PSMD1: variants seen among roughly 807,000 people sequenced by gnomAD.
PSMD1 encodes the protein 26S proteasome non-ATPase regulatory subunit 1.
PSMD1 carries 18 observed loss-of-function variants against 119.0 expected under a neutral mutation model. The observed-to-expected ratio is 0.15, with a 90% CI of 0.10 to 0.22. PSMD1 has a LOEUF of 0.22. PSMD1 is among the 10% of genes least tolerant of loss of function. The probability of loss-of-function intolerance (pLI) is 1.00; values close to 1 mark genes in which losing one functional copy is unlikely to be tolerated. For synonymous variants in PSMD1, 374 were observed against 396.6 expected (o/e 0.94, Z 0.68); for missense variants, 702 against 1,158.5 (o/e 0.61, Z 5.72).
intron 16 of PSMD1, among the ~76,000 whole-genome samples, chr2:231,137,181 A>G (rs979915899): frequency 6.6e-6 from 1 of 150,820 alleles, no homozygotes; most frequent in African/African-American, 2.4e-5. Flanking sequence ...ACAGTGGTGC[A>G]ATCTTGTCTC....
intron 15 of PSMD1, 28 bp downstream of exon 15, chr2:231,085,142 G>T (rs371664186): frequency 1.3e-6 from 2 of 1,581,888 alleles, no homozygotes; most frequent in African/African-American, 2.7e-5. Flanking sequence ...TCTTGGGAAT[G>T]GGGTGGACGG....
In PSMD1 at chr2:231,170,428, C is replaced by G. The variant is rs878921362; in HGVS notation, c.2716-138C>G. 2.6e-5 allele frequency: 22 copies of G among 859,712 alleles called. No individual in the cohort carries two copies. In the South Asian group the frequency reaches 5.5e-4, roughly 21 times the overall value. The allele number at this position is 859,712 out of a possible 1,614,324, so 53.3% of individuals were successfully genotyped here. A position where few individuals can be genotyped will look rare whatever the true frequency, so the allele number is the denominator to read the frequency against. ...CGTATAGATCACAGTTATCTTTATC[C>G]CAGTAAAGTTCTACTCCAGTTTTTC... On this transcript the variant is annotated intron_variant, in intron 23 of 24. Transcript: ENST00000308696. The surrounding 1 kb of genome is among the most constrained non-coding windows in gnomAD (Gnocchi z 4.1).
chr2:231,067,234 T>C (rs536226764), intron 5 of PSMD1, 123 bp downstream of exon 5: 367 of 696,518 alleles, frequency 5.3e-4, no homozygotes, highest in Non-Finnish European at 7.5e-4. Flanking sequence ...AGGTGATCTT[T>C]TGCCAAATAT....
intron 16 of PSMD1, among the ~76,000 whole-genome samples, chr2:231,107,964 A>G (rs913144509): frequency 2.0e-5 from 3 of 152,198 alleles, no homozygotes; most frequent in African/African-American, 7.2e-5. Flanking sequence ...TATCCTCCCT[A>G]TCCCTTCCAT....
chr2:231,135,334 T>C (rs1277367924), intron 16 of PSMD1, among the ~76,000 whole-genome samples: 2 of 152,184 alleles, frequency 1.3e-5, no homozygotes, highest in African/African-American at 4.8e-5. Context: ...CTATAATAAT[T>C]GGTTCATTTT....
At chr2:231,094,781 A>T (rs576273452) in intron 16 of PSMD1, among the ~76,000 whole-genome samples, 1 of 152,358 alleles carries the variant, frequency 6.6e-6, no homozygotes, top group Non-Finnish European at 1.5e-5. Context: ...GTTTGTCAGC[A>T]GGAAGGGCAT....
Position 231,170,859 on chromosome 2 carries a change from G to C in PSMD1, c.*9+138G>C. ...ACCTAAACAGTATTAAAACTTCCCC[G>C]TTTCAACCTTTTTCTGCATATATAA... On this transcript the variant is annotated intron_variant, in intron 24 of 24. Coordinates refer to ENST00000308696, the MANE Select transcript of PSMD1 (RefSeq NM_002807.4). The surrounding 1 kb of genome is among the most constrained non-coding windows in gnomAD (Gnocchi z 4.1). 2 of 924,418 alleles carry C rather than the reference G, an allele frequency of 2.2e-6. No homozygotes were observed. The highest frequency in any genetic ancestry group is 3.0e-6 in the Non-Finnish European group (2 of 657,540). 57.3% of individuals were successfully genotyped at this position (924,418 alleles called of 1,614,324 possible).
At chr2:231,147,717 C>G (rs971449928) in intron 18 of PSMD1, among the ~76,000 whole-genome samples, 3 of 152,160 alleles carry the variant, frequency 2.0e-5, no homozygotes, top group African/African-American at 7.2e-5. Context: ...ATTCTTAAAG[C>G]TAGGGACTTT....
intron 19 of PSMD1, among the ~76,000 whole-genome samples, chr2:231,158,763 GTCT>G (rs1273657168): frequency 2.0e-5 from 3 of 152,030 alleles, no homozygotes; most frequent in African/African-American, 7.3e-5. Flanking sequence ...CAAATTATCT[GTCT>G]TCTTTGTGAG....
intron 7 of PSMD1, among the ~76,000 whole-genome samples, chr2:231,073,236 T>C (rs1230004147): frequency 1.3e-5 from 2 of 152,220 alleles, no homozygotes; most frequent in Non-Finnish European, 2.9e-5. Context: ...AGATCACTGA[T>C]GACAGATTAC....
intron 16 of PSMD1, among the ~76,000 whole-genome samples, chr2:231,091,231 T>C (rs1694581931): frequency 6.6e-6 from 1 of 152,224 alleles, no homozygotes; most frequent in Non-Finnish European, 1.5e-5. Flanking sequence ...TAGAGAGCAG[T>C]CCTGCACACG....
chr2:231,105,208 AT>A (rs1200727627), intron 16 of PSMD1, among the ~76,000 whole-genome samples: 1 of 152,168 alleles, frequency 6.6e-6, no homozygotes, highest in African/African-American at 2.4e-5. Context: ...ATGCTTGTAA[AT>A]AAAAGTAAAA....
chr2:231,156,999 G>A (rs932931755), intron 19 of PSMD1, among the ~76,000 whole-genome samples: 4 of 152,078 alleles, frequency 2.6e-5, no homozygotes, highest in Non-Finnish European at 5.9e-5. Flanking sequence ...AATACATTAT[G>A]TAGCCTTTTC....
At chr2:231,109,431 T>C in intron 16 of PSMD1, 1 of 1,605,330 alleles carries the variant, frequency 6.2e-7, no homozygotes. Context: ...GAAAACAAGA[T>C]AAATTGAGTC....
chr2:231,123,823 A>C, intron 16 of PSMD1: 1 of 1,274,296 alleles, frequency 7.8e-7, no homozygotes, highest in Non-Finnish European at 1.1e-6. Flanking sequence ...GTTAGTAGCT[A>C]AGCTGCTCAT....
At chr2:231,171,100 G>A (rs1477144024) in intron 24 of PSMD1, among the ~76,000 whole-genome samples, 1 of 152,202 alleles carries the variant, frequency 6.6e-6, no homozygotes, top group East Asian at 1.9e-4. Flanking sequence ...TCTGATGTAA[G>A]CTTCTTGTTG....
chr2:231,070,022 C>A lies in PSMD1; in HGVS notation c.511-3C>A. On this transcript the variant is annotated splice_region_variant and splice_polypyrimidine_tract_variant and intron_variant, in intron 5 of 24. Transcript: ENST00000308696. ...CGTTATATCTTTAAACTATCTCTTTCAGAATGATGTCCCAGGAATGTTAGC... is the reference window on the plus strand; with the variant it reads ...CGTTATATCTTTAAACTATCTCTTTAAGAATGATGTCCCAGGAATGTTAGC... 7.0e-7 allele frequency: 1 copy of A among 1,434,676 alleles called. No homozygotes were observed. The highest frequency in any genetic ancestry group is 1.6e-5 in the South Asian group (1 of 61,878). The allele number at this position is 1,434,676 out of a possible 1,614,324, so 88.9% of individuals were successfully genotyped here. A position where few individuals can be genotyped will look rare whatever the true frequency, so the allele number is the denominator to read the frequency against.
intron 22 of PSMD1, among the ~76,000 whole-genome samples, 162 bp downstream of exon 22, chr2:231,165,448 C>CTA (rs112345405): frequency 0.022 from 3,373 of 151,770 alleles, 137 homozygotes; most frequent in African/African-American, 0.077. Flanking sequence ...GAAAGAGACT[C>CTA]GAAAATATAT....
intron 24 of PSMD1, among the ~76,000 whole-genome samples, chr2:231,171,717 C>T (rs926913802): frequency 1.3e-5 from 2 of 151,954 alleles, no homozygotes; most frequent in East Asian, 1.9e-4. Context: ...CCACCACACC[C>T]GGCTGATTTT....
Sources: gnomAD v4.1 joint callset for allele counts (sites outside exome capture counted in the v4.1 genomes callset) on GRCh38, gnomAD v4.1.1 for gene constraint, Gnocchi (gnomAD v3.1) non-coding constraint, MANE v1.5 for transcripts, NCBI Gene and HGNC (gene_info 2026-07-23, HGNC 2026-07-21) for gene names.